MCU: variants seen among roughly 807,000 people sequenced by gnomAD.
MCU encodes the protein mitochondrial calcium uniporter.
A neutral mutation model predicts 45.2 loss-of-function variants in MCU; 12 were observed. The observed-to-expected ratio is 0.27, with a 90% CI of 0.17 to 0.43. The LOEUF is 0.43. MCU is among the 20% of genes least tolerant of loss of function. The pLI is 1.00. For missense variants in MCU, 324 were observed against 436.7 expected (o/e 0.74, Z 2.30); for synonymous variants, 160 against 165.1 (o/e 0.97, Z 0.24).
chr10:72,757,239 G>A (rs1009944867), intron 1 of MCU, among the ~76,000 whole-genome samples: 7 of 152,096 alleles, frequency 4.6e-5, no homozygotes, highest in African/African-American at 9.7e-5. Context: ...AATAGGAGAT[G>A]GTGAGGTAAT....
intron 1 of MCU, among the ~76,000 whole-genome samples, chr10:72,761,585 C>T (rs1843657409): frequency 6.6e-6 from 1 of 152,116 alleles, no homozygotes; most frequent in African/African-American, 2.4e-5. Flanking sequence ...TGACTTTGCC[C>T]AAATTCCAGA....
chr10:72,832,567 A>G (rs1198729746), intron 1 of MCU, among the ~76,000 whole-genome samples: 1 of 152,232 alleles, frequency 6.6e-6, no homozygotes, highest in Admixed American at 6.5e-5. Context: ...TCAGAAATAC[A>G]AACAGAGACT....
In MCU at chr10:72,786,526, C is replaced by A. The variant is rs569444497; in HGVS notation, c.151-47833C>A. On this transcript the variant is annotated intron_variant, in intron 1 of 7. Coordinates refer to ENST00000373053, the MANE Select transcript of MCU (RefSeq NM_138357.3). ...TTGGGAGGCTGAGGCGGGCAGATCA[C>A]GTGGAGGTCAGGAGTTCGAGACCAG... Among the ~76,000 whole-genome samples the A allele has an allele frequency of 9.9e-5, 15 of 152,140 alleles. 1 individual carries two copies. In the South Asian group the frequency reaches 3.1e-3, roughly 32 times the overall value.
At chr10:72,824,077 A>G (rs1269986326) in intron 1 of MCU, among the ~76,000 whole-genome samples, 1 of 152,058 alleles carries the variant, frequency 6.6e-6, no homozygotes, top group Non-Finnish European at 1.5e-5. Context: ...AAAGGGCTTT[A>G]TGAATGCTCT....
intron 1 of MCU, among the ~76,000 whole-genome samples, chr10:72,801,878 G>A (rs1400246274): frequency 2.0e-5 from 3 of 151,672 alleles, no homozygotes; most frequent in Admixed American, 6.6e-5. Flanking sequence ...TTGCCATGTT[G>A]CCCTGGTTTG....
chr10:72,840,026 A>G lies in MCU; in HGVS notation c.220+5598A>G, dbSNP rs541356352. On this transcript the variant is annotated intron_variant, in intron 2 of 7. Coordinates refer to ENST00000373053, the MANE Select transcript of MCU (RefSeq NM_138357.3). Reference sequence around the variant, plus strand: ...TTTGCCTGTAAGTCTTTGTATGGACATGTTTTCATTCTTCTTGGATAGATA... The same window carrying G: ...TTTGCCTGTAAGTCTTTGTATGGACGTGTTTTCATTCTTCTTGGATAGATA... 2.0e-5 allele frequency among the ~76,000 whole-genome samples: 3 copies of G among 151,482 alleles called. No individual in the cohort carries two copies. The South Asian group carries it at 6.3e-4, about 32-fold the overall frequency.
chr10:72,768,729 G>A (rs1843764186), intron 1 of MCU, among the ~76,000 whole-genome samples: 2 of 152,120 alleles, frequency 1.3e-5, no homozygotes, highest in Admixed American at 6.5e-5. Context: ...ACAATGCTTT[G>A]TCATGCAATT....
intron 2 of MCU, among the ~76,000 whole-genome samples, chr10:72,848,115 T>C (rs1845149012): frequency 6.6e-6 from 1 of 152,234 alleles, no homozygotes; most frequent in Non-Finnish European, 1.5e-5. Context: ...AATCCCTGAC[T>C]TCTGATGGTT....
chr10:72,740,847 G>T (rs1393410735), intron 1 of MCU, among the ~76,000 whole-genome samples: 1 of 152,136 alleles, frequency 6.6e-6, no homozygotes, highest in Non-Finnish European at 1.5e-5. Context: ...ATGAGAGCAT[G>T]GTTCTGAGAG....
intron 2 of MCU, among the ~76,000 whole-genome samples, chr10:72,838,472 G>T (rs936086087): frequency 6.6e-6 from 1 of 152,002 alleles, no homozygotes; most frequent in Non-Finnish European, 1.5e-5. Context: ...TTAGCTGGGC[G>T]TGGTGGCATG....
rs1353714428 is a variant in MCU at position 72,750,681 on chromosome 10, T to G, written c.150+58380T>G. 2.6e-5 allele frequency among the ~76,000 whole-genome samples: 4 copies of G among 152,334 alleles called. No homozygotes were observed. The East Asian group carries it at 7.7e-4, about 29-fold the overall frequency. ...AAAATTGACCTTTTTTTGATGTACG[T>G]GTCTATGAATTTACATAGATTTGTG... On this transcript the variant is annotated intron_variant, in intron 1 of 7. Coordinates refer to ENST00000373053, the MANE Select transcript of MCU (RefSeq NM_138357.3).
At chr10:72,826,952 TG>T (rs201371706) in intron 1 of MCU, among the ~76,000 whole-genome samples, 2,089 of 152,304 alleles carry the variant, frequency 0.014, 26 homozygotes, top group Middle Eastern at 0.024. Flanking sequence ...AATATATTGT[TG>T]TAATTATTCT....
rs144550573 is a variant in MCU, at chr10:72,834,371, A to G, written c.163A>G (p.Ile55Val). ...QQHHRTVHQRIASWQNLGAVY... is the reference protein window; with the variant it reads ...QQHHRTVHQRVASWQNLGAVY... ...TTGTGTTTTCTAGGTACACCAGAGGATCGCTTCCTGGCAGAATTTGGGAGC... is the reference window on the plus strand; with the variant it reads ...TTGTGTTTTCTAGGTACACCAGAGGGTCGCTTCCTGGCAGAATTTGGGAGC... Residue 55 changes from isoleucine (I) to valine (V), a missense_variant, in exon 2 of 8, where the codon ATC becomes GTC. Ile to Val is a conservative substitution (Grantham distance 29). Transcript: ENST00000373053. 6.2e-7 allele frequency: 1 copy of G among 1,613,718 alleles called. No individual in the cohort carries two copies. The highest frequency in any genetic ancestry group is 1.1e-5 in the South Asian group (1 of 91,058).
At chr10:72,809,237 A>C (rs541066429) in intron 1 of MCU, among the ~76,000 whole-genome samples, 1 of 152,290 alleles carries the variant, frequency 6.6e-6, no homozygotes, top group South Asian at 2.1e-4. Flanking sequence ...CAACATCTGG[A>C]TTTATCTAAA....
intron 1 of MCU, among the ~76,000 whole-genome samples, chr10:72,804,062 AT>A (rs1348131127): frequency 1.3e-4 from 10 of 78,638 alleles, no homozygotes; most frequent in African/African-American, 6.1e-4. Context: ...ATATATATAT[AT>A]ATATATATAT....
intron 1 of MCU, among the ~76,000 whole-genome samples, chr10:72,779,967 C>T (rs1480463083): frequency 6.6e-6 from 1 of 152,158 alleles, no homozygotes; most frequent in East Asian, 1.9e-4. Flanking sequence ...CATATCTACA[C>T]AAAAACATGT....
At chr10:72,788,710 C>T (rs929850991) in intron 1 of MCU, among the ~76,000 whole-genome samples, 2 of 152,198 alleles carry the variant, frequency 1.3e-5, no homozygotes, top group Non-Finnish European at 2.9e-5. Flanking sequence ...AAATTTTACA[C>T]CACATCCATA....
At chr10:72,751,341 C>CTTCATTTTTTTTTTTTTTTTTTTTTTTTT (rs1474252109) in intron 1 of MCU, among the ~76,000 whole-genome samples, 1 of 44,742 alleles carries the variant, frequency 2.2e-5, no homozygotes, top group African/African-American at 8.4e-5. Flanking sequence ...TCTTCTTCTT[C>CTTCATTTTTTTTTTTTTTTTTTTTTTTTT]TTTTTTTTTT....
At position 72,810,004 on chromosome 10, in the gene MCU, G is replaced by T. The variant is rs148137236; in HGVS notation, c.151-24355G>T. 1.8e-4 allele frequency among the ~76,000 whole-genome samples: 22 copies of T among 119,572 alleles called. 1 individual carries two copies. Among genetic ancestry groups the T allele is most frequent in the African/African-American group, 5.5e-4 (22 of 40,132 alleles). The allele number at this position is 119,572 out of a possible 152,430, so 78.4% of individuals were successfully genotyped here. On this transcript the variant is annotated intron_variant, in intron 1 of 7. Transcript: ENST00000373053. ...GATTAGTGAAGGCAGGCTTCTGTGTGTGCATGTGTGTGTGTGTTTGTATGT... is the reference window on the plus strand; with the variant it reads ...GATTAGTGAAGGCAGGCTTCTGTGTTTGCATGTGTGTGTGTGTTTGTATGT...
Sources: allele counts gnomAD v4.1 joint callset (sites outside exome capture counted in the v4.1 genomes callset), GRCh38; gene constraint gnomAD v4.1.1; transcripts MANE v1.5; gene names NCBI Gene and HGNC (gene_info 2026-07-23, HGNC 2026-07-21).